The following WDFY2 variants were observed in gnomAD, a reference collection of about 807,000 sequenced individuals.
The protein encoded by WDFY2 is WD repeat and FYVE domain-containing protein 2.
In WDFY2, 36 loss-of-function variants were observed where a neutral mutation model predicts 56.4. The ratio of observed to expected loss-of-function variants is 0.64; its 90% CI spans 0.49 to 0.84. WDFY2 has a LOEUF of 0.84. Among genes scored for constraint, WDFY2 ranks in the 40% least tolerant of loss-of-function variants. The pLI is 0.00. For synonymous variants in WDFY2, 176 were observed against 183.7 expected, an observed-to-expected ratio of 0.96 and a Z score of 0.34; for missense variants, 444 against 512.2, an observed-to-expected ratio of 0.87 and a Z score of 1.29.
At chr13:51,614,328 A>T (rs1274338866) in intron 1 of WDFY2, among the ~76,000 whole-genome samples, 1 of 152,174 alleles carries the variant, frequency 6.6e-6, no homozygotes, top group East Asian at 1.9e-4. Flanking sequence ...TGTTGAGTGA[A>T]CCCTGATATA....
rs1471043891 is a variant in WDFY2, at chr13:51,763,129, G to T, written c.*3360G>T. On this transcript the variant is annotated 3_prime_UTR_variant, in exon 12 of 12. Coordinates refer to ENST00000298125, the MANE Select transcript of WDFY2 (RefSeq NM_052950.4). ...TTAGTTATACAGGGCAGTTAGATATGGCTGAGATGTAAACAAGAGAATCTA... is the reference window on the plus strand; with the variant it reads ...TTAGTTATACAGGGCAGTTAGATATTGCTGAGATGTAAACAAGAGAATCTA... 1 of 152,182 alleles carries T rather than the reference G, an allele frequency of 6.6e-6. No homozygotes were observed. The highest frequency in any genetic ancestry group is 1.5e-5 in the Non-Finnish European group (1 of 68,050). 9.4% of individuals were successfully genotyped at this position (152,182 alleles called of 1,614,324 possible).
intron 1 of WDFY2, chr13:51,599,159 T>A: frequency 6.6e-6 from 1 of 152,408 alleles, no homozygotes; most frequent in Non-Finnish European, 1.5e-5. Flanking sequence ...TGCCCACCTC[T>A]GCCTCCCAAA....
chr13:51,584,673 G>A lies in WDFY2; in HGVS notation c.-15G>A, dbSNP rs758944038. The stretch of plus-strand genomic sequence containing the variant: ...CGCGGTTGGCGGCGGCGCCCCAGGC[G>A]CGCCCCCTCCTCCGATGGCGGCGGA... On this transcript the variant is annotated 5_prime_UTR_variant, in exon 1 of 12. Transcript: ENST00000298125. 2 of 1,606,282 alleles carry A rather than the reference G, an allele frequency of 1.2e-6. No homozygotes were observed. Among genetic ancestry groups the A allele is most frequent in the African/African-American group, 2.7e-5 (2 of 74,764 alleles).
intron 3 of WDFY2, among the ~76,000 whole-genome samples, chr13:51,688,470 G>A (rs1471171550): frequency 6.6e-6 from 1 of 152,124 alleles, no homozygotes; most frequent in East Asian, 1.9e-4. Context: ...AAAATCAAGA[G>A]ACAGATCCAC....
chr13:51,625,673 C>G (rs946934721), intron 1 of WDFY2, among the ~76,000 whole-genome samples: 6 of 152,286 alleles, frequency 3.9e-5, no homozygotes, highest in Non-Finnish European at 2.9e-5. Context: ...ATAAGTATCT[C>G]TGAACTTGAA....
intron 2 of WDFY2, among the ~76,000 whole-genome samples, chr13:51,670,710 C>G (rs1483519991): frequency 1.3e-5 from 2 of 152,072 alleles, no homozygotes; most frequent in Non-Finnish European, 1.5e-5. Flanking sequence ...TTTGTTTATG[C>G]TCATTTATAG....
intron 3 of WDFY2, among the ~76,000 whole-genome samples, chr13:51,680,203 G>C (rs1413032465): frequency 6.6e-6 from 1 of 152,226 alleles, no homozygotes; most frequent in Non-Finnish European, 1.5e-5. Flanking sequence ...CTGGGCTCAA[G>C]TGATCCGCCT....
At chr13:51,715,102 C>A (rs901459956) in intron 4 of WDFY2, among the ~76,000 whole-genome samples, 2 of 152,162 alleles carry the variant, frequency 1.3e-5, no homozygotes, top group African/African-American at 4.8e-5. Flanking sequence ...CTGGGTGAGT[C>A]AGTGAGTGAG....
chr13:51,619,058 G>T (rs570654802), intron 1 of WDFY2, among the ~76,000 whole-genome samples: 2 of 152,354 alleles, frequency 1.3e-5, no homozygotes, highest in East Asian at 3.9e-4. Context: ...AGGAAAAGCA[G>T]ATTGTGTGCC....
intron 3 of WDFY2, among the ~76,000 whole-genome samples, chr13:51,679,519 G>A (rs9568650): frequency 6.6e-6 from 1 of 152,008 alleles, no homozygotes; most frequent in African/African-American, 2.4e-5. Context: ...TAAATGGTTA[G>A]CACTCAGAAT....
intron 1 of WDFY2, among the ~76,000 whole-genome samples, chr13:51,594,628 T>C (rs1954110926): frequency 1.3e-5 from 2 of 152,220 alleles, no homozygotes; most frequent in Admixed American, 1.3e-4. Flanking sequence ...TGCCACTATG[T>C]GTCTGCAATG....
chr13:51,758,811 A>G (rs1396507214), intron 11 of WDFY2, among the ~76,000 whole-genome samples: 1 of 152,202 alleles, frequency 6.6e-6, no homozygotes, highest in Non-Finnish European at 1.5e-5. Context: ...CCATTCTTGG[A>G]GGTCACAGCA....
intron 6 of WDFY2, among the ~76,000 whole-genome samples, chr13:51,736,491 TTTTTG>T (rs980516504): frequency 4.6e-5 from 7 of 152,034 alleles, no homozygotes; most frequent in Non-Finnish European, 1.0e-4. Context: ...GGTGCAGTGT[TTTTTG>T]TTTTGTTTTG....
chr13:51,589,106 G>T (rs1342314914), intron 1 of WDFY2: 3 of 152,212 alleles, frequency 2.0e-5, no homozygotes, highest in African/African-American at 7.2e-5. Context: ...CCAAAATAAG[G>T]AGATCTGATC....
intron 6 of WDFY2, among the ~76,000 whole-genome samples, chr13:51,735,741 A>G (rs1362867021): frequency 1.3e-5 from 2 of 152,240 alleles, no homozygotes; most frequent in Non-Finnish European, 2.9e-5. Context: ...TTTATCATTT[A>G]TAGGCCAACT....
intron 1 of WDFY2, among the ~76,000 whole-genome samples, chr13:51,623,902 T>C (rs1954791015): frequency 6.6e-6 from 1 of 152,060 alleles, no homozygotes; most frequent in South Asian, 2.1e-4. Context: ...TTCTTCTGTG[T>C]CTCCACACCA....
chr13:51,748,983 C>T (rs1166732453), intron 7 of WDFY2, among the ~76,000 whole-genome samples: 1 of 152,028 alleles, frequency 6.6e-6, no homozygotes, highest in African/African-American at 2.4e-5. Flanking sequence ...TGGAGTTTTC[C>T]AGAAGCTACA....
At chr13:51,591,767 T>C (rs1194441321) in intron 1 of WDFY2, 3 of 152,204 alleles carry the variant, frequency 2.0e-5, no homozygotes, top group African/African-American at 7.2e-5. Context: ...TTGTACCTTC[T>C]TTTTCTCCCG....
intron 2 of WDFY2, among the ~76,000 whole-genome samples, chr13:51,663,928 A>G (rs965375095): frequency 3.3e-5 from 5 of 152,264 alleles, no homozygotes; most frequent in Non-Finnish European, 7.3e-5. Context: ...TATTCTGTGC[A>G]TTTATTAAAA....
Sources: allele counts gnomAD v4.1 joint callset (sites outside exome capture counted in the v4.1 genomes callset), GRCh38; gene constraint gnomAD v4.1.1; transcripts MANE v1.5; gene names NCBI Gene and HGNC (gene_info 2026-07-23, HGNC 2026-07-21).